The following DOCK1 variants were observed in gnomAD, a reference collection of about 807,000 sequenced individuals.
The protein encoded by DOCK1 is dedicator of cytokinesis 1.
DOCK1 carries 138 observed loss-of-function variants against 262.7 expected under a neutral mutation model. The observed-to-expected ratio is 0.53, with a 90% CI of 0.46 to 0.61. The LOEUF is 0.61. Among genes scored for constraint, DOCK1 ranks in the 20% least tolerant of loss-of-function variants. The probability of loss-of-function intolerance (pLI) is 0.00; values close to 1 mark genes in which losing one functional copy is unlikely to be tolerated. For missense variants in DOCK1, 1,908 were observed against 2,370.7 expected (o/e 0.80, Z 4.05); for synonymous variants, 866 against 867.4 (o/e 1.00, Z 0.03).
In DOCK1 at chr10:127,404,471, C is replaced by G. The variant is rs781730712; in HGVS notation, c.4122+42C>G. The G allele has an allele frequency of 6.0e-5, 95 of 1,577,150 alleles. 3 individuals are homozygous for G. In the Admixed American group the frequency reaches 1.6e-3, roughly 26 times the overall value. On this transcript the variant is annotated intron_variant, in intron 40 of 51. Transcript: ENST00000623213. ...CCTAATCTGAGCCATGATTGTTCCC[C>G]CAGCAGAAAATCCCCTTCCCGTTCT...
Position 126,996,766 on chromosome 10 carries a change from G to C in DOCK1, c.492G>C (p.Leu164=), listed in dbSNP as rs1383513425. 9.3e-6 allele frequency: 15 copies of C among 1,611,414 alleles called. No homozygotes were observed. Among genetic ancestry groups the C allele is most frequent in the Admixed American group, 5.1e-5 (3 of 59,356 alleles). The change falls in exon 7 of 52, where the codon CTG becomes CTC. Residue 164 remains leucine, a synonymous_variant. Coordinates refer to ENST00000623213, the MANE Select transcript of DOCK1 (RefSeq NM_001290223.2). ...GTTCTAGAATTCTAGATTTGGACCT[G>C]GTGGTTAGAGATGAAGATGGGAATA... ...DYGNRILDLD[L]VVRDEDGNIL...
intron 27 of DOCK1, among the ~76,000 whole-genome samples, chr10:127,202,926 T>C (rs1381312523): frequency 6.6e-6 from 1 of 152,194 alleles, no homozygotes; most frequent in African/African-American, 2.4e-5. Flanking sequence ...TGCCAGGCTC[T>C]CAGGAAGCTG....
rs141085736 is a variant in DOCK1 at position 126,918,718 on chromosome 10, C to T, written c.46+13155C>T. Among the ~76,000 whole-genome samples, 1,430 of 152,246 alleles carry T rather than the reference C, an allele frequency of 9.4e-3. 10 individuals carry two copies. Among genetic ancestry groups the T allele is most frequent in the Non-Finnish European group, 0.015 (1,021 of 68,032 alleles). ...ATGTCTCAGCCATTGCCAACTGTCC[C>T]GGGGGTAAGTGGGGCGGGATGGCCT... is the stretch of plus-strand genomic sequence containing the variant. On this transcript the variant is annotated intron_variant, in intron 1 of 51. Transcript: ENST00000623213.
At chr10:127,390,509 C>T (rs893354713) in intron 38 of DOCK1, among the ~76,000 whole-genome samples, 2 of 152,036 alleles carry the variant, frequency 1.3e-5, no homozygotes, top group African/African-American at 4.8e-5. Context: ...GGGCCCTAAT[C>T]GAATCTGACT....
intron 29 of DOCK1, among the ~76,000 whole-genome samples, chr10:127,331,521 A>C (rs1321783240): frequency 1.3e-5 from 2 of 151,938 alleles, no homozygotes; most frequent in Non-Finnish European, 2.9e-5. Context: ...GCCTCTGGTG[A>C]TCCACCCACC....
rs1003550650 is a variant in DOCK1 at position 127,100,525 on chromosome 10, G to A, written c.2446-5706G>A. Among the ~76,000 whole-genome samples the A allele has an allele frequency of 1.3e-5, 2 of 152,128 alleles. No individual in the cohort carries two copies. The highest frequency in any genetic ancestry group is 2.4e-5 in the African/African-American group (1 of 41,430). On this transcript the variant is annotated intron_variant, in intron 23 of 51. Coordinates refer to ENST00000623213, the MANE Select transcript of DOCK1 (RefSeq NM_001290223.2). The surrounding 1 kb of genome is among the most constrained non-coding windows in gnomAD (Gnocchi z 5.5). ...GGACCCCGGTGGGTGTGGGGTGTGG[G>A]TGTTGGGCTCAGGAGGAAGGGGAGC... is the stretch of plus-strand genomic sequence containing the variant.
rs576007112 is a variant in DOCK1, at chr10:127,444,033, T to C, written c.5260-93T>C. ...CAGTTAAGGTCATATTCTAAGGTAATGGGGGTCAGGACTTCAACATAGGAA... is the reference window on the plus strand; with the variant it reads ...CAGTTAAGGTCATATTCTAAGGTAACGGGGGTCAGGACTTCAACATAGGAA... On this transcript the variant is annotated intron_variant, in intron 49 of 51. Transcript: ENST00000623213. The C allele has an allele frequency of 5.4e-6, 8 of 1,480,238 alleles. No homozygotes were observed. The Admixed American group carries it at 1.7e-4, about 31-fold the overall frequency. 91.7% of individuals were successfully genotyped at this position (1,480,238 alleles called of 1,614,324 possible).
rs78990376 is a variant in DOCK1 at position 127,377,937 on chromosome 10, C to T, written c.3676-2145C>T. ...AGAAAGAAAATGAAAAAGTAAGAGACGCAGCAGTCACTCTGCTTGGCCACC... is the reference window on the plus strand; with the variant it reads ...AGAAAGAAAATGAAAAAGTAAGAGATGCAGCAGTCACTCTGCTTGGCCACC... On this transcript the variant is annotated intron_variant, in intron 35 of 51. Coordinates refer to ENST00000623213, the MANE Select transcript of DOCK1 (RefSeq NM_001290223.2). 4.2e-4 allele frequency among the ~76,000 whole-genome samples: 63 copies of T among 151,002 alleles called. No individual in the cohort carries two copies. In the East Asian group the frequency reaches 6.2e-3, roughly 15 times the overall value.
chr10:127,135,959 A>C (rs2050655010), intron 27 of DOCK1: 1 of 152,672 alleles, frequency 6.5e-6, no homozygotes, highest in African/African-American at 2.4e-5. Context: ...CCCATTTTTA[A>C]ATATTTAGTC....
chr10:127,372,405 G>C (rs1049751257), intron 33 of DOCK1, among the ~76,000 whole-genome samples: 1 of 152,200 alleles, frequency 6.6e-6, no homozygotes, highest in Non-Finnish European at 1.5e-5. Flanking sequence ...ACTGGGCTTG[G>C]CCTGGCCAAG....
chr10:126,984,030 A>C (rs564927265), intron 4 of DOCK1, among the ~76,000 whole-genome samples: 1 of 152,288 alleles, frequency 6.6e-6, no homozygotes, highest in African/African-American at 2.4e-5. Flanking sequence ...TCTTCTTATT[A>C]TGCTGACCTA....
intron 24 of DOCK1, 65 bp downstream of exon 24, chr10:127,106,366 A>C (rs2048532037): frequency 6.6e-7 from 1 of 1,523,582 alleles, no homozygotes; most frequent in Admixed American, 2.0e-5. Context: ...CAGTGTGCTT[A>C]GTTTATGGGA....
chr10:127,257,551 A>C (rs1371847842), intron 29 of DOCK1, 122 bp downstream of exon 29: 2 of 839,636 alleles, frequency 2.4e-6, no homozygotes, highest in Non-Finnish European at 3.8e-6. Context: ...CGCTGTTCCT[A>C]ATTCTGTGCT....
At chr10:126,964,523 A>G (rs1026625682) in intron 1 of DOCK1, among the ~76,000 whole-genome samples, 2 of 152,260 alleles carry the variant, frequency 1.3e-5, no homozygotes, top group East Asian at 3.8e-4. Flanking sequence ...CCCTGAGAAG[A>G]TGCATACCAT....
intron 1 of DOCK1, among the ~76,000 whole-genome samples, chr10:126,953,784 G>C (rs2036521607): frequency 6.6e-6 from 1 of 152,092 alleles, no homozygotes; most frequent in South Asian, 2.1e-4. Context: ...GGTCAGCTTT[G>C]ATGTCACCTG....
intron 1 of DOCK1, among the ~76,000 whole-genome samples, chr10:126,957,154 A>G (rs2036810907): frequency 6.6e-6 from 1 of 152,186 alleles, no homozygotes; most frequent in Non-Finnish European, 1.5e-5. Flanking sequence ...TTAATCTTCA[A>G]TTTTACTTTT....
intron 6 of DOCK1, among the ~76,000 whole-genome samples, chr10:126,992,689 T>G (rs1047935185): frequency 1.3e-5 from 2 of 148,150 alleles, no homozygotes; most frequent in Admixed American, 6.9e-5. Flanking sequence ...TCTAGAAAAA[T>G]GTACATACAC....
At chr10:127,085,482 G>A (rs941596064) in intron 23 of DOCK1, among the ~76,000 whole-genome samples, 4 of 152,130 alleles carry the variant, frequency 2.6e-5, no homozygotes, top group Non-Finnish European at 4.4e-5. Context: ...ACTCTTGGCC[G>A]GGCGCGGTGG....
intron 32 of DOCK1, among the ~76,000 whole-genome samples, chr10:127,356,568 G>A (rs1342390571): frequency 6.6e-6 from 1 of 152,108 alleles, no homozygotes; most frequent in South Asian, 2.1e-4. Context: ...TAGGCCAGAC[G>A]GCAGGCCCCA....
Sources: allele counts gnomAD v4.1 joint callset (sites outside exome capture counted in the v4.1 genomes callset), GRCh38; gene constraint gnomAD v4.1.1; non-coding constraint Gnocchi (gnomAD v3.1); transcripts MANE v1.5; gene names NCBI Gene and HGNC (gene_info 2026-07-23, HGNC 2026-07-21).